NTM: variants seen among roughly 807,000 people sequenced by gnomAD.
NTM encodes the protein IgLON family member 2.
Under a neutral mutation model 42.1 loss-of-function variants are expected in NTM, and 13 were observed. The ratio of observed to expected loss-of-function variants is 0.31; its 90% CI spans 0.20 to 0.49. NTM has a LOEUF of 0.49. Ranked by LOEUF, NTM falls within the 20% of genes least tolerant of loss-of-function variation. The pLI is 0.99. For missense variants in NTM, 373 were observed against 452.8 expected, an observed-to-expected ratio of 0.82 and a Z score of 1.60; for synonymous variants, 187 against 179.2, an observed-to-expected ratio of 1.04 and a Z score of -0.35.
chr11:131,647,829 T>C (rs950293381), intron 1 of NTM, among the ~76,000 whole-genome samples: 2 of 152,208 alleles, frequency 1.3e-5, no homozygotes, highest in Admixed American at 6.5e-5. Context: ...TATGTTTTAT[T>C]TAACTATCCA....
chr11:131,992,008 G>T (rs2067113486), intron 2 of NTM, among the ~76,000 whole-genome samples: 1 of 152,136 alleles, frequency 6.6e-6, no homozygotes, highest in Non-Finnish European at 1.5e-5. Flanking sequence ...ACTTGGGAAA[G>T]AAAGGAAAAC....
intron 1 of NTM, among the ~76,000 whole-genome samples, chr11:131,748,554 C>T (rs1258754715): frequency 6.6e-6 from 1 of 152,178 alleles, no homozygotes; most frequent in Non-Finnish European, 1.5e-5. Context: ...CCATGACCTG[C>T]CCCCTCCTCC....
At position 132,017,519 on chromosome 11, in the gene NTM, A is replaced by G. The variant is rs75132262; in HGVS notation, c.167+105871A>G. ...TCTCAATTTTATGTTATTGATCTAA[A>G]TTTCTAACTTTGCATCAATATCACA... On this transcript the variant is annotated intron_variant, in intron 2 of 8. Transcript: ENST00000683400. Among the ~76,000 whole-genome samples the G allele has an allele frequency of 9.8e-3, 1,498 of 152,162 alleles. 33 individuals are homozygous for G. Among genetic ancestry groups the G allele is most frequent in the African/African-American group, 0.034 (1,433 of 41,568 alleles).
At chr11:131,953,047 G>T (rs2061188818) in intron 2 of NTM, among the ~76,000 whole-genome samples, 1 of 152,116 alleles carries the variant, frequency 6.6e-6, no homozygotes, top group South Asian at 2.1e-4. Flanking sequence ...AAATTCAGAA[G>T]GTAGCCATTC....
intron 1 of NTM, among the ~76,000 whole-genome samples, chr11:131,484,212 A>G (rs941856992): frequency 6.6e-6 from 1 of 152,180 alleles, no homozygotes; most frequent in Non-Finnish European, 1.5e-5. Flanking sequence ...ACAAATGGCA[A>G]TTGCTTTATG....
intron 1 of NTM, among the ~76,000 whole-genome samples, chr11:131,729,386 C>G (rs890797921): frequency 1.3e-5 from 2 of 152,176 alleles, no homozygotes; most frequent in African/African-American, 4.8e-5. Flanking sequence ...AAGAGTTGTT[C>G]TGTGAAAACA....
chr11:131,705,372 G>A lies in NTM; in HGVS notation c.83-206192G>A, dbSNP rs140379201. Reference sequence around the variant, plus strand: ...ACTGTCAAGCAAGAATACTTCACTCGGCAAAGCTATCCTATACAAATGTAA... The same window carrying A: ...ACTGTCAAGCAAGAATACTTCACTCAGCAAAGCTATCCTATACAAATGTAA... On this transcript the variant is annotated intron_variant, in intron 1 of 8. Coordinates refer to ENST00000683400, the MANE Select transcript of NTM (RefSeq NM_001352005.2). Among the ~76,000 whole-genome samples the A allele has an allele frequency of 2.4e-3, 372 of 152,102 alleles. 1 individual carries two copies. The highest frequency in any genetic ancestry group is 8.2e-3 in the African/African-American group (339 of 41,504).
chr11:131,957,414 T>C (rs1170204450), intron 2 of NTM, among the ~76,000 whole-genome samples: 3 of 152,184 alleles, frequency 2.0e-5, no homozygotes, highest in Non-Finnish European at 2.9e-5. Flanking sequence ...AACTCCCTCC[T>C]GCAGGTGCAG....
chr11:132,025,116 G>T (rs1369732237), intron 2 of NTM, among the ~76,000 whole-genome samples: 1 of 152,126 alleles, frequency 6.6e-6, no homozygotes, highest in Non-Finnish European at 1.5e-5. Context: ...AGAGAGAGAG[G>T]CTAGAAGGCT....
intron 2 of NTM, among the ~76,000 whole-genome samples, chr11:132,086,186 T>C (rs1371725541): frequency 1.3e-5 from 2 of 151,930 alleles, no homozygotes; most frequent in African/African-American, 2.4e-5. Context: ...TAGCTGGGCA[T>C]GGTGGTGGGC....
At chr11:132,071,273 C>A (rs577410623) in intron 2 of NTM, among the ~76,000 whole-genome samples, 1 of 118,510 alleles carries the variant, frequency 8.4e-6, no homozygotes, top group Non-Finnish European at 1.7e-5. Flanking sequence ...CACTGACCAT[C>A]ACAGGTTAGT....
intron 1 of NTM, among the ~76,000 whole-genome samples, chr11:131,905,063 C>T (rs2053667402): frequency 6.6e-6 from 1 of 152,214 alleles, no homozygotes; most frequent in African/African-American, 2.4e-5. Flanking sequence ...CAGCCAATGG[C>T]AGCTCCTTCC....
chr11:131,703,786 C>T (rs879470395), intron 1 of NTM, among the ~76,000 whole-genome samples: 1 of 152,196 alleles, frequency 6.6e-6, no homozygotes, highest in Non-Finnish European at 1.5e-5. Context: ...GATAGCCTTG[C>T]ATGAGGGGAA....
chr11:131,654,643 G>C (rs2066945655), intron 1 of NTM, among the ~76,000 whole-genome samples: 1 of 152,154 alleles, frequency 6.6e-6, no homozygotes, highest in Non-Finnish European at 1.5e-5. Flanking sequence ...TGAGTGGCTT[G>C]ATGGGGTCCT....
chr11:132,191,927 T>C (rs2079382831), intron 3 of NTM, among the ~76,000 whole-genome samples: 2 of 152,176 alleles, frequency 1.3e-5, no homozygotes, highest in African/African-American at 4.8e-5. Flanking sequence ...ATATCAGAGC[T>C]TGAAGATCAC....
At chr11:132,256,579 C>A (rs1372839306) in intron 4 of NTM, among the ~76,000 whole-genome samples, 11 of 151,932 alleles carry the variant, frequency 7.2e-5, no homozygotes. Flanking sequence ...TCCACCATGA[C>A]ATTCCTAAAG....
chr11:131,826,564 T>TAAA (rs61647362), intron 1 of NTM, among the ~76,000 whole-genome samples: 71,542 of 143,164 alleles, frequency 0.5, 19,113 homozygotes, highest in East Asian at 0.86. Flanking sequence ...CGTAATATTC[T>TAAA]AAAAAAAAAA....
intron 1 of NTM, among the ~76,000 whole-genome samples, chr11:131,401,816 A>ATATATATATATGTG (rs1565465244): frequency 0.013 from 416 of 33,256 alleles, 32 homozygotes; most frequent in African/African-American, 0.024. Context: ...ATATATATAT[A>ATATATATATATGTG]TATATATATA....
intron 1 of NTM, among the ~76,000 whole-genome samples, chr11:131,433,939 C>T (rs957738387): frequency 3.3e-5 from 5 of 152,128 alleles, no homozygotes; most frequent in African/African-American, 9.7e-5. Context: ...TAATGCTATC[C>T]CTCTCCCTAT....
Sources: allele counts gnomAD v4.1 joint callset (sites outside exome capture counted in the v4.1 genomes callset), GRCh38; gene constraint gnomAD v4.1.1; transcripts MANE v1.5; gene names NCBI Gene and HGNC (gene_info 2026-07-23, HGNC 2026-07-21).